Variants in NLGN4X observed in about 807,000 individuals in gnomAD.
NLGN4X encodes neuroligin-4, X-linked.
Under a neutral mutation model 40.3 loss-of-function variants are expected in NLGN4X, and 3 were observed. The observed-to-expected ratio is 0.07, with a 90% confidence interval of 0.03 to 0.19. The LOEUF (loss-of-function observed/expected upper bound fraction) is 0.19. Ranked by LOEUF, NLGN4X falls within the 10% of genes least tolerant of loss-of-function variation. NLGN4X has a pLI of 1.00. For missense variants in NLGN4X, 382 were observed against 708.3 expected (o/e 0.54, Z 5.23); for synonymous variants, 270 against 306.8 (o/e 0.88, Z 1.25).
At chrX:6,169,073 C>A (rs2084871274) in intron 1 of NLGN4X, among the ~76,000 whole-genome samples, 1 of 111,563 alleles carries the variant, frequency 9.0e-6, no homozygotes, top group African/African-American at 3.3e-5. Context: ...GCTGCTATTC[C>A]AGGTCAGAGG....
chrX:6,109,390 G>A (rs1310214696), intron 2 of NLGN4X, among the ~76,000 whole-genome samples: 1 of 112,044 alleles, frequency 8.9e-6, no homozygotes, highest in African/African-American at 3.2e-5. Context: ...ATTCAATCAC[G>A]TGAAATACAG....
At chrX:6,077,296 C>T (rs56409862) in intron 2 of NLGN4X, among the ~76,000 whole-genome samples, 299 of 88,911 alleles carry the variant, frequency 3.4e-3, no homozygotes, top group African/African-American at 0.012. Context: ...GTGTGTGTGT[C>T]TGTGTGTGTG....
chrX:6,039,646 C>T (rs1027708461), intron 2 of NLGN4X, among the ~76,000 whole-genome samples: 15 of 112,261 alleles, frequency 1.3e-4, no homozygotes, highest in Non-Finnish European at 5.6e-5. Context: ...CAACACTTGA[C>T]ATTATCAGAC....
At chrX:5,951,872 A>G (rs1179351980) in intron 3 of NLGN4X, among the ~76,000 whole-genome samples, 1 of 112,166 alleles carries the variant, frequency 8.9e-6, no homozygotes, top group East Asian at 2.8e-4. Flanking sequence ...ATGCTGCAGG[A>G]TAAGGATCTG....
At chrX:6,024,008 A>C (rs1315215774) in intron 3 of NLGN4X, among the ~76,000 whole-genome samples, 1 of 111,803 alleles carries the variant, frequency 8.9e-6, no homozygotes, top group African/African-American at 3.3e-5. Context: ...ACAAAAAAAA[A>C]ACAGATTGGG....
intron 2 of NLGN4X, among the ~76,000 whole-genome samples, chrX:6,137,753 A>G (rs374781087): frequency 2.0e-3 from 221 of 112,205 alleles, no homozygotes; most frequent in African/African-American, 6.3e-3. Flanking sequence ...TAAGTCTTAG[A>G]ATAAGCTTTC....
At chrX:6,058,985 A>G (rs191921481) in intron 2 of NLGN4X, among the ~76,000 whole-genome samples, 67 of 112,040 alleles carry the variant, frequency 6.0e-4, no homozygotes, top group African/African-American at 2.0e-3. Context: ...AATATTTTAT[A>G]GTGAAGAAAA....
chrX:5,996,846 C>G (rs964878221), intron 3 of NLGN4X, among the ~76,000 whole-genome samples: 2 of 110,972 alleles, frequency 1.8e-5, no homozygotes, highest in African/African-American at 6.6e-5. Flanking sequence ...ATCCGCCGGC[C>G]TCGGCCTCCC....
At chrX:5,950,013 C>T (rs976587162) in intron 3 of NLGN4X, among the ~76,000 whole-genome samples, 1 of 111,692 alleles carries the variant, frequency 9.0e-6, no homozygotes, top group Admixed American at 9.6e-5. Flanking sequence ...GCAAATCAGA[C>T]GGGTTTGGGA....
Position 6,170,109 on chromosome X carries a change from C to T in NLGN4X, c.-305-18338G>A, listed in dbSNP as rs1229767224. 4.6e-5 allele frequency among the ~76,000 whole-genome samples: 5 copies of T among 109,346 alleles called. No homozygotes were observed. The Admixed American group carries it at 4.9e-4, about 11-fold the overall frequency. The allele number at this position is 109,346 out of a possible 115,157, so 95.0% of individuals were successfully genotyped here. On this transcript the variant is annotated intron_variant, in intron 1 of 5. Transcript: ENST00000381095. ...GCAGCCTTGACCTCCAGGGCTCAAGCGAACCTCCCACCTCAGTCTCCTGAA... is the reference window on the plus strand; with the variant it reads ...GCAGCCTTGACCTCCAGGGCTCAAGTGAACCTCCCACCTCAGTCTCCTGAA...
At chrX:6,185,398 A>G (rs1921915775) in intron 1 of NLGN4X, among the ~76,000 whole-genome samples, 1 of 112,397 alleles carries the variant, frequency 8.9e-6, no homozygotes. Flanking sequence ...TTTTTCAGCA[A>G]AAGATCCTTA....
At chrX:6,017,359 TAAAC>T (rs1219687680) in intron 3 of NLGN4X, among the ~76,000 whole-genome samples, 1 of 112,078 alleles carries the variant, frequency 8.9e-6, no homozygotes, top group African/African-American at 3.2e-5. Context: ...AAGCATGTTT[TAAAC>T]AAAGAGGAAT....
intron 2 of NLGN4X, among the ~76,000 whole-genome samples, chrX:6,125,278 T>C (rs2039515456): frequency 9.0e-6 from 1 of 111,605 alleles, no homozygotes; most frequent in South Asian, 3.7e-4. Flanking sequence ...AAATAGGAAA[T>C]GATCAAGGTA....
chrX:6,085,119 T>C (rs780197341), intron 2 of NLGN4X, among the ~76,000 whole-genome samples: 56 of 107,484 alleles, frequency 5.2e-4, no homozygotes, highest in African/African-American at 1.7e-3. Flanking sequence ...GAGGAGGAAA[T>C]TGAGGGTCTT....
chrX:5,902,540 T>C (rs1378110763), intron 5 of NLGN4X, among the ~76,000 whole-genome samples: 1 of 109,459 alleles, frequency 9.1e-6, no homozygotes, highest in African/African-American at 3.3e-5. Flanking sequence ...AAATTAAAAA[T>C]TAGCCAGGCA....
At chrX:6,187,366 CGGA>C (rs1922138725) in intron 1 of NLGN4X, 1 of 108,299 alleles carries the variant, frequency 9.2e-6, no homozygotes, top group African/African-American at 3.3e-5. Flanking sequence ...CCAGCTACCC[CGGA>C]GGCTGAGGCC....
At chrX:5,983,810 G>A (rs1402590392) in intron 3 of NLGN4X, among the ~76,000 whole-genome samples, 1 of 111,519 alleles carries the variant, frequency 9.0e-6, no homozygotes, top group Admixed American at 9.6e-5. Context: ...GCTAGGCATG[G>A]TGGCATGTGA....
In NLGN4X at chrX:6,122,332, G is replaced by A. The variant is rs550395375; in HGVS notation, c.472+28663C>T. On this transcript the variant is annotated intron_variant, in intron 2 of 5. Transcript: ENST00000381095. ...CTGCTCACTGCAACCTCTGCCTCCC[G>A]GGTTCAAGTGATTCTCCTGCCTCAG... is the stretch of plus-strand genomic sequence containing the variant. 5.4e-5 allele frequency among the ~76,000 whole-genome samples: 6 copies of A among 111,590 alleles called. No individual in the cohort carries two copies. The South Asian group carries it at 1.1e-3, about 21-fold the overall frequency.
At chrX:6,132,660 C>T (rs1313545437) in intron 2 of NLGN4X, among the ~76,000 whole-genome samples, 2 of 111,761 alleles carry the variant, frequency 1.8e-5, no homozygotes, top group African/African-American at 6.5e-5. Context: ...GAAATATCTC[C>T]ACAACCGCTA....
Sources: allele counts gnomAD v4.1 joint callset (sites outside exome capture counted in the v4.1 genomes callset), GRCh38; gene constraint gnomAD v4.1.1; transcripts MANE v1.5; gene names NCBI Gene and HGNC (gene_info 2026-07-23, HGNC 2026-07-21).